The following INPP4B variants were observed in gnomAD, a reference collection of about 807,000 sequenced individuals.
The protein encoded by INPP4B is inositol polyphosphate 4-phosphatase type II.
Under a neutral mutation model 122.5 loss-of-function variants are expected in INPP4B, and 55 were observed. That is an observed-to-expected ratio of 0.45 (90% confidence interval 0.36 to 0.56). INPP4B has a LOEUF of 0.56. Among genes scored for constraint, INPP4B ranks in the 20% least tolerant of loss-of-function variants. The probability of loss-of-function intolerance (pLI) is 0.00; values close to 1 mark genes in which losing one functional copy is unlikely to be tolerated. For synonymous variants in INPP4B, 403 were observed against 388.7 expected (o/e 1.04, Z -0.43); for missense variants, 1,000 against 1,097.7 (o/e 0.91, Z 1.26).
chr4:142,512,794 A>T (rs1016683092), intron 2 of INPP4B, among the ~76,000 whole-genome samples: 1 of 152,160 alleles, frequency 6.6e-6, no homozygotes, highest in Non-Finnish European at 1.5e-5. Context: ...GATCTATTTC[A>T]AACTTTTTTT....
intron 5 of INPP4B, among the ~76,000 whole-genome samples, chr4:142,418,259 A>G (rs2149290701): frequency 6.6e-6 from 1 of 152,274 alleles, no homozygotes; most frequent in African/African-American, 2.4e-5. Flanking sequence ...ACTTTTTACA[A>G]ATAATTGTGT....
chr4:142,819,331 T>G (rs1345947807), intron 1 of INPP4B, among the ~76,000 whole-genome samples: 1 of 152,108 alleles, frequency 6.6e-6, no homozygotes, highest in Non-Finnish European at 1.5e-5. Flanking sequence ...GCTGAGAAGT[T>G]TCATCCATTT....
chr4:142,268,346 A>AAAAAAAAAAAAAAAAAAAAAAG (rs79776246), intron 10 of INPP4B, among the ~76,000 whole-genome samples: 1 of 145,036 alleles, frequency 6.9e-6, no homozygotes, highest in East Asian at 2.0e-4. Flanking sequence ...AAAAAAAAAA[A>AAAAAAAAAAAAAAAAAAAAAAG]TGAGGGGTAA....
intron 1 of INPP4B, among the ~76,000 whole-genome samples, chr4:142,758,398 A>C (rs1203836044): frequency 1.3e-5 from 2 of 152,258 alleles, no homozygotes; most frequent in African/African-American, 2.4e-5. Flanking sequence ...ATAGATAGAA[A>C]ATTTTTCAAG....
Position 142,480,972 on chromosome 4 carries a change from T to C in INPP4B, c.-190-18246A>G, listed in dbSNP as rs145648001. On this transcript the variant is annotated intron_variant, in intron 2 of 25. Coordinates refer to ENST00000262992, the MANE Select transcript of INPP4B (RefSeq NM_001101669.3). ...AATGATGGTGAAACCCCGTCTCTAC[T>C]AAAAATATAAAAATTAGCTGGGCAT... is the stretch of plus-strand genomic sequence containing the variant. 1.0e-3 allele frequency among the ~76,000 whole-genome samples: 157 copies of C among 151,676 alleles called. 1 individual carries two copies. The highest frequency in any genetic ancestry group is 3.4e-3 in the African/African-American group (139 of 41,390).
In INPP4B at chr4:142,120,454, A is replaced by G. The variant is rs76907158; in HGVS notation, c.2135+1674T>C. ...TAAACAATATTGAGTCTTCTAATCC[A>G]TGAACACAGGCTGTCTCTCCATTTA... On this transcript the variant is annotated intron_variant, in intron 21 of 25. Transcript: ENST00000262992. Among the ~76,000 whole-genome samples the G allele has an allele frequency of 3.5e-3, 539 of 152,242 alleles. 2 individuals are homozygous for G. Among genetic ancestry groups the G allele is most frequent in the African/African-American group, 0.013 (523 of 41,550 alleles).
chr4:142,117,331 T>C (rs948910981), intron 21 of INPP4B, among the ~76,000 whole-genome samples: 1 of 152,122 alleles, frequency 6.6e-6, no homozygotes, highest in Admixed American at 6.6e-5. Context: ...ATCATCCTGA[T>C]ACCAAAGCCT....
At chr4:142,632,843 A>G (rs1461495661) in intron 2 of INPP4B, among the ~76,000 whole-genome samples, 1 of 151,832 alleles carries the variant, frequency 6.6e-6, no homozygotes, top group Non-Finnish European at 1.5e-5. Flanking sequence ...ACAACTTTCA[A>G]CTTGATAAAA....
At chr4:142,394,502 A>G (rs1440886055) in intron 7 of INPP4B, among the ~76,000 whole-genome samples, 1 of 152,182 alleles carries the variant, frequency 6.6e-6, no homozygotes, top group African/African-American at 2.4e-5. Context: ...CTTTTTGACA[A>G]TAGCCATTCT....
intron 14 of INPP4B, among the ~76,000 whole-genome samples, chr4:142,202,276 C>G (rs1252572833): frequency 6.6e-6 from 1 of 151,982 alleles, no homozygotes; most frequent in East Asian, 1.9e-4. Flanking sequence ...CCCAGAAGAT[C>G]TTTCTAAAAT....
intron 25 of INPP4B, among the ~76,000 whole-genome samples, chr4:142,042,145 T>C (rs1410454663): frequency 1.3e-5 from 2 of 152,214 alleles, no homozygotes; most frequent in African/African-American, 2.4e-5. Context: ...AGAAGCTGTT[T>C]TCCTGTCTTT....
chr4:142,829,305 C>G (rs562750403), intron 1 of INPP4B, among the ~76,000 whole-genome samples: 1 of 152,164 alleles, frequency 6.6e-6, no homozygotes, highest in South Asian at 2.1e-4. Context: ...TGACCCCTGA[C>G]TTCTGACGGA....
chr4:142,612,005 C>T (rs1242266921), intron 2 of INPP4B, among the ~76,000 whole-genome samples: 1 of 152,162 alleles, frequency 6.6e-6, no homozygotes, highest in Non-Finnish European at 1.5e-5. Context: ...TTCTGTAGCT[C>T]ACTGTATAGC....
chr4:142,542,997 G>A (rs575308833), intron 2 of INPP4B, among the ~76,000 whole-genome samples: 37 of 152,044 alleles, frequency 2.4e-4, no homozygotes, highest in African/African-American at 8.4e-4. Flanking sequence ...TGCTTAAAGC[G>A]GTATCTTTCT....
At chr4:142,056,135 G>A (rs1757577137) in intron 25 of INPP4B, among the ~76,000 whole-genome samples, 1 of 151,948 alleles carries the variant, frequency 6.6e-6, no homozygotes, top group Non-Finnish European at 1.5e-5. Context: ...CTCAGATTGT[G>A]GCTGTAAATA....
At chr4:142,703,952 C>T (rs150360770) in intron 2 of INPP4B, among the ~76,000 whole-genome samples, 2,971 of 152,224 alleles carry the variant, frequency 0.02, 44 homozygotes, top group Middle Eastern at 0.054. Context: ...CAAAATCTGG[C>T]ACTTAACTAG....
intron 2 of INPP4B, among the ~76,000 whole-genome samples, chr4:142,545,778 T>TAC (rs1340908538): frequency 6.4e-5 from 9 of 140,244 alleles, no homozygotes; most frequent in Non-Finnish European, 1.2e-4. Context: ...TGTATATATA[T>TAC]ACACATATAT....
chr4:142,772,950 T>G (rs1773312931), intron 1 of INPP4B, among the ~76,000 whole-genome samples: 1 of 151,870 alleles, frequency 6.6e-6, no homozygotes, highest in Non-Finnish European at 1.5e-5. Context: ...ATAGGCTGAG[T>G]CACTAGAATT....
chr4:142,063,363 T>G (rs1761969142), intron 25 of INPP4B, among the ~76,000 whole-genome samples: 1 of 152,148 alleles, frequency 6.6e-6, no homozygotes, highest in Admixed American at 6.5e-5. Context: ...CACACATGCT[T>G]TTTACCTCGT....
Sources: allele counts gnomAD v4.1 joint callset (sites outside exome capture counted in the v4.1 genomes callset), GRCh38; gene constraint gnomAD v4.1.1; transcripts MANE v1.5; gene names NCBI Gene and HGNC (gene_info 2026-07-23, HGNC 2026-07-21).